Variants in LRRC49 observed in about 807,000 individuals in gnomAD.
LRRC49 encodes leucine rich repeat containing 49.
LRRC49 carries 50 observed loss-of-function variants against 83.3 expected under a neutral mutation model. That is an observed-to-expected ratio of 0.60 (90% CI 0.48 to 0.76). The LOEUF (loss-of-function observed/expected upper bound fraction) is 0.76. Among genes scored for constraint, LRRC49 ranks in the 30% least tolerant of loss-of-function variants. The probability of loss-of-function intolerance (pLI) is 0.00; values close to 1 mark genes in which losing one functional copy is unlikely to be tolerated. For missense variants in LRRC49, 704 were observed against 809.1 expected (o/e 0.87, Z 1.58); for synonymous variants, 286 against 283.3 (o/e 1.01, Z -0.10).
chr15:71,031,417 A>G (rs1439220992), intron 14 of LRRC49, among the ~76,000 whole-genome samples: 3 of 152,174 alleles, frequency 2.0e-5, no homozygotes, highest in Middle Eastern at 3.2e-3. Context: ...ACTCTTCTGT[A>G]TGAGGTGTCT....
intron 5 of LRRC49, among the ~76,000 whole-genome samples, chr15:70,905,139 G>T (rs1409072625): frequency 6.6e-6 from 1 of 152,122 alleles, no homozygotes; most frequent in Non-Finnish European, 1.5e-5. Flanking sequence ...TCGATACTTT[G>T]TGATTATCTC....
At chr15:70,936,168 G>C (rs1348208303) in intron 7 of LRRC49, among the ~76,000 whole-genome samples, 1 of 152,024 alleles carries the variant, frequency 6.6e-6, no homozygotes, top group Non-Finnish European at 1.5e-5. Flanking sequence ...CCTATTTTAA[G>C]AACCTCTGAT....
intron 14 of LRRC49, among the ~76,000 whole-genome samples, chr15:71,035,865 G>T (rs2141296524): frequency 6.6e-6 from 1 of 152,190 alleles, no homozygotes; most frequent in East Asian, 1.9e-4. Flanking sequence ...CCCACTAATG[G>T]AATTGCTGGG....
chr15:70,865,894 C>G (rs943881097), intron 1 of LRRC49, among the ~76,000 whole-genome samples: 6 of 152,098 alleles, frequency 3.9e-5, no homozygotes, highest in Non-Finnish European at 8.8e-5. Context: ...TAGAGTGAAA[C>G]ATTTTTTAAA....
chr15:71,024,828 A>C (rs2039110488), intron 14 of LRRC49, among the ~76,000 whole-genome samples: 1 of 152,054 alleles, frequency 6.6e-6, no homozygotes, highest in Non-Finnish European at 1.5e-5. Flanking sequence ...AGGAGCTGTT[A>C]ACCAGAATAA....
rs1056328206 is a variant in LRRC49, at chr15:70,857,352, T to A, written c.-299+3883T>A. On this transcript the variant is annotated intron_variant, in intron 1 of 16. Transcript: ENST00000544974. ...TGAAGCTGGGAAGTTGGGACAAGGC[T>A]AAGCGTTGAAGAGAAGAAGAGTAGT... 1.6e-4 allele frequency among the ~76,000 whole-genome samples: 24 copies of A among 152,226 alleles called. 1 individual carries two copies. Among genetic ancestry groups the A allele is most frequent in the African/African-American group, 5.8e-4 (24 of 41,552 alleles).
At chr15:71,004,500 A>G (rs1227033500) in intron 11 of LRRC49, among the ~76,000 whole-genome samples, 1 of 152,142 alleles carries the variant, frequency 6.6e-6, no homozygotes, top group East Asian at 1.9e-4. Flanking sequence ...ATATACAAAA[A>G]TTAGCTGGGC....
In LRRC49 at chr15:71,017,173, A is replaced by T. The variant is rs189814743; in HGVS notation, c.1703+4260A>T. 1.7e-3 allele frequency among the ~76,000 whole-genome samples: 260 copies of T among 152,320 alleles called. 1 individual carries two copies. Among genetic ancestry groups the T allele is most frequent in the African/African-American group, 6.1e-3 (255 of 41,570 alleles). On this transcript the variant is annotated intron_variant, in intron 14 of 15. Coordinates refer to ENST00000260382, the MANE Select transcript of LRRC49 (RefSeq NM_017691.5). ...AAAGGAAGCTTAAAAATGAATATTT[A>T]CAATGTTAACAAATTCCAAGACTTA...
chr15:70,876,546 C>T (rs745726211), intron 2 of LRRC49, among the ~76,000 whole-genome samples: 2 of 152,176 alleles, frequency 1.3e-5, no homozygotes, highest in Non-Finnish European at 2.9e-5. Flanking sequence ...TCAGGCAACT[C>T]ATTTCTAAAA....
At chr15:70,878,967 TG>T (rs1438062086) in intron 2 of LRRC49, among the ~76,000 whole-genome samples, 3 of 152,224 alleles carry the variant, frequency 2.0e-5, no homozygotes, top group Admixed American at 6.5e-5. Context: ...ACTCATGAGA[TG>T]GGAAGTGTTC....
chr15:70,963,519 A>G (rs1319950136), intron 8 of LRRC49, among the ~76,000 whole-genome samples: 1 of 152,086 alleles, frequency 6.6e-6, no homozygotes, highest in East Asian at 1.9e-4. Context: ...AAAGGACATT[A>G]GGTAAAAACT....
chr15:70,963,550 A>G (rs2036683314), intron 8 of LRRC49, among the ~76,000 whole-genome samples: 1 of 152,110 alleles, frequency 6.6e-6, no homozygotes. Flanking sequence ...TGGATAAAAT[A>G]CAGGCTTTAG....
chr15:70,987,986 C>CTGTGGT, intron 11 of LRRC49, among the ~76,000 whole-genome samples: 1 of 152,226 alleles, frequency 6.6e-6, no homozygotes, highest in Non-Finnish European at 1.5e-5. Flanking sequence ...TTTGATTGCA[C>CTGTGGT]TGTGGTCTGA....
chr15:70,895,494 A>T lies in LRRC49; in HGVS notation c.106-355A>T, dbSNP rs550478042. 6.1e-5 allele frequency: 10 copies of T among 163,140 alleles called. No individual in the cohort carries two copies. In the South Asian group the frequency reaches 7.6e-4, roughly 12 times the overall value. 10.1% of individuals were successfully genotyped at this position (163,140 alleles called of 1,614,324 possible). ...CTTGGAATATCTTGTATCTGACCTCATAAAATTGATCCTGATTTTGTGGGT... is the reference window on the plus strand; with the variant it reads ...CTTGGAATATCTTGTATCTGACCTCTTAAAATTGATCCTGATTTTGTGGGT... On this transcript the variant is annotated intron_variant, in intron 2 of 15. Coordinates refer to ENST00000260382, the MANE Select transcript of LRRC49 (RefSeq NM_017691.5).
intron 15 of LRRC49, among the ~76,000 whole-genome samples, chr15:71,045,315 G>A (rs182654497): frequency 1.3e-5 from 2 of 152,152 alleles, no homozygotes; most frequent in African/African-American, 2.4e-5. Flanking sequence ...ACATCCATAC[G>A]TCCAAAACCT....
At chr15:70,992,946 C>T (rs542284437) in intron 11 of LRRC49, among the ~76,000 whole-genome samples, 11 of 152,272 alleles carry the variant, frequency 7.2e-5, no homozygotes, top group South Asian at 4.1e-4. Context: ...AGGTTTCTGC[C>T]GCATTTTGTT....
chr15:70,931,951 G>A (rs2035423157), intron 7 of LRRC49, among the ~76,000 whole-genome samples: 1 of 152,144 alleles, frequency 6.6e-6, no homozygotes, highest in African/African-American at 2.4e-5. Flanking sequence ...CTATGGTTAT[G>A]AAATTGAGGC....
rs562784554 is a variant in LRRC49, at chr15:70,866,941, AG to A, written c.-298-5965del. ...CTGGCCTGAACTCCAGATCGACTCA[AG>A]GCCAAGTCTGGCCTTTGGAAAGTCT... is the stretch of plus-strand genomic sequence containing the variant. On this transcript the variant is annotated intron_variant, in intron 1 of 16. Coordinates refer to the LRRC49 transcript ENST00000544974. Among the ~76,000 whole-genome samples, 267 of 152,058 alleles carry A rather than the reference AG, an allele frequency of 1.8e-3. 3 individuals are homozygous for A. Among genetic ancestry groups the A allele is most frequent in the Middle Eastern group, 0.01 (3 of 294 alleles).
At chr15:70,933,247 A>T (rs1303214506) in intron 7 of LRRC49, among the ~76,000 whole-genome samples, 4 of 152,212 alleles carry the variant, frequency 2.6e-5, no homozygotes, top group African/African-American at 9.6e-5. Context: ...AATGTTTTGA[A>T]TATTATTTTC....
Sources: allele counts gnomAD v4.1 joint callset (sites outside exome capture counted in the v4.1 genomes callset), GRCh38; gene constraint gnomAD v4.1.1; transcripts MANE v1.5; gene names NCBI Gene and HGNC (gene_info 2026-07-23, HGNC 2026-07-21).